Variants in TTLL5 observed in about 807,000 individuals in gnomAD.
The protein encoded by TTLL5 is tubulin tyrosine ligase like 5.
Under a neutral mutation model 168.4 loss-of-function variants are expected in TTLL5, and 132 were observed. That is an observed-to-expected ratio of 0.78 (90% confidence interval 0.68 to 0.91). The LOEUF is 0.91. Among genes scored for constraint, TTLL5 ranks in the 40% least tolerant of loss-of-function variants. The probability of loss-of-function intolerance (pLI) is 0.00; values close to 1 mark genes in which losing one functional copy is unlikely to be tolerated. For missense variants in TTLL5, 1,545 were observed against 1,581.5 expected, an observed-to-expected ratio of 0.98 and a Z score of 0.39; for synonymous variants, 546 against 558.6, an observed-to-expected ratio of 0.98 and a Z score of 0.32.
chr14:75,666,075 T>A (rs1883237886), intron 2 of TTLL5, among the ~76,000 whole-genome samples: 1 of 152,246 alleles, frequency 6.6e-6, no homozygotes, highest in Admixed American at 6.5e-5. Flanking sequence ...CTGTTAATCT[T>A]GTTTCATCAG....
intron 30 of TTLL5, among the ~76,000 whole-genome samples, chr14:75,888,241 C>G (rs566609652): frequency 6.6e-6 from 1 of 152,266 alleles, no homozygotes; most frequent in Non-Finnish European, 1.5e-5. Context: ...CACACCTAAT[C>G]AAAAGTTGCG....
chr14:75,949,852 A>G (rs1349130974), intron 31 of TTLL5, among the ~76,000 whole-genome samples: 1 of 151,668 alleles, frequency 6.6e-6, no homozygotes, highest in Non-Finnish European at 1.5e-5. Context: ...TCTGTCTCCA[A>G]AAAAAAAGAA....
At chr14:75,919,228 A>AAG (rs2033736469) in intron 31 of TTLL5, among the ~76,000 whole-genome samples, 3 of 149,946 alleles carry the variant, frequency 2.0e-5, no homozygotes, top group African/African-American at 7.4e-5. Context: ...AAAAGGAAAA[A>AAG]GAAAAAGAAA....
rs1170385473 is a variant in TTLL5, at chr14:75,759,232, CA to C, written c.1551-5381del. Among the ~76,000 whole-genome samples, 13 of 152,174 alleles carry C rather than the reference CA, an allele frequency of 8.5e-5. No homozygotes were observed. The East Asian group carries it at 2.5e-3, about 29-fold the overall frequency. ...AAGGTGCGGAAAAAGGATATTAAGG[CA>C]ATATTATTAGCAACTTTATTCCATT... On this transcript the variant is annotated intron_variant, in intron 18 of 31. Transcript: ENST00000298832.
chr14:75,906,021 AC>A (rs2033133129), intron 31 of TTLL5, among the ~76,000 whole-genome samples: 1 of 152,170 alleles, frequency 6.6e-6, no homozygotes, highest in Non-Finnish European at 1.5e-5. Flanking sequence ...AGTAAAATGT[AC>A]TATAGCTTTG....
rs1887780104 is a variant in TTLL5, at chr14:75,720,638, T to C, written c.977T>C (p.Ile326Thr). The C allele has an allele frequency of 6.2e-7, 1 of 1,613,740 alleles. No individual in the cohort carries two copies. The highest frequency in any genetic ancestry group is 1.7e-5 in the Admixed American group (1 of 60,008). Residue 326 changes from isoleucine to threonine, a missense_variant, in exon 12 of 32, where the codon ATC becomes ACC. Transcript: ENST00000298832. ...GAAGACCTGATCATTAAGACTATAA[T>C]CTCTGCTGAACTAGCTATTGCTACT... ...HVEDLIIKTI[I>T]SAELAIATAC... is the part of the protein sequence containing the mutation.
At chr14:75,890,487 C>A (rs1008797758) in intron 30 of TTLL5, among the ~76,000 whole-genome samples, 1 of 151,914 alleles carries the variant, frequency 6.6e-6, no homozygotes, top group Non-Finnish European at 1.5e-5. Flanking sequence ...TAGGAGAACA[C>A]GGCACACTAT....
At chr14:75,808,218 C>T (rs1482613226) in intron 27 of TTLL5, among the ~76,000 whole-genome samples, 2 of 152,068 alleles carry the variant, frequency 1.3e-5, no homozygotes, top group South Asian at 4.1e-4. Context: ...CACTAAATGT[C>T]TATATATATA....
chr14:75,698,019 C>G (rs1039729615), intron 6 of TTLL5, among the ~76,000 whole-genome samples: 3 of 152,170 alleles, frequency 2.0e-5, no homozygotes, highest in Non-Finnish European at 2.9e-5. Flanking sequence ...ACAAAAAATT[C>G]TCTCAATTTT....
intron 31 of TTLL5, among the ~76,000 whole-genome samples, chr14:75,922,064 T>G (rs2033846618): frequency 6.6e-6 from 1 of 152,228 alleles, no homozygotes; most frequent in Admixed American, 6.5e-5. Flanking sequence ...GGAATGCTTG[T>G]GATTTTTGCA....
intron 27 of TTLL5, among the ~76,000 whole-genome samples, chr14:75,797,926 T>G (rs980251341): frequency 6.6e-6 from 1 of 152,024 alleles, no homozygotes; most frequent in Non-Finnish European, 1.5e-5. Flanking sequence ...TAATGTCCTT[T>G]CCTGGGTTTG....
At position 75,925,920 on chromosome 14, in the gene TTLL5, C is replaced by T. The variant is rs954640734; in HGVS notation, c.3823+23696C>T. 4.6e-5 allele frequency among the ~76,000 whole-genome samples: 7 copies of T among 151,900 alleles called. 1 individual carries two copies. The highest frequency in any genetic ancestry group is 7.3e-5 in the African/African-American group (3 of 41,182). On this transcript the variant is annotated intron_variant, in intron 31 of 31. Coordinates refer to ENST00000298832, the MANE Select transcript of TTLL5 (RefSeq NM_015072.5). The stretch of plus-strand genomic sequence containing the variant: ...CGAAAACCAGTCAGGCGTGGCGGCG[C>T]GCACCTGTAATCGCAGGCACTTGGC...
chr14:75,948,228 T>G (rs2034839760), intron 31 of TTLL5, among the ~76,000 whole-genome samples: 1 of 152,204 alleles, frequency 6.6e-6, no homozygotes, highest in Non-Finnish European at 1.5e-5. Flanking sequence ...TTCACACCTG[T>G]AACCCCTGCG....
chr14:75,766,445 G>GT, intron 20 of TTLL5, 77 bp downstream of exon 20: 1 of 1,297,710 alleles, frequency 7.7e-7, no homozygotes, highest in Non-Finnish European at 1.0e-6. Context: ...TATTTTAGTG[G>GT]TTTTACAGTC....
intron 28 of TTLL5, among the ~76,000 whole-genome samples, chr14:75,837,948 C>T (rs1351752377): frequency 6.6e-6 from 1 of 152,104 alleles, no homozygotes; most frequent in Non-Finnish European, 1.5e-5. Context: ...TGGTTTACTT[C>T]TGCTTTTTGG....
At chr14:75,817,688 G>A (rs1028389286) in intron 27 of TTLL5, among the ~76,000 whole-genome samples, 2 of 152,068 alleles carry the variant, frequency 1.3e-5, no homozygotes, top group Non-Finnish European at 2.9e-5. Flanking sequence ...AACATCTCCA[G>A]TCTGATGACT....
intron 25 of TTLL5, 50 bp from the exon 26 acceptor site, chr14:75,783,097 T>C (rs369270726): frequency 1.3e-5 from 20 of 1,507,268 alleles, no homozygotes; most frequent in Non-Finnish European, 1.8e-5. Flanking sequence ...ATAGAGATTG[T>C]ATGTTTGTTT....
At chr14:75,747,170 T>A (rs1356971908) in intron 17 of TTLL5, among the ~76,000 whole-genome samples, 1 of 152,096 alleles carries the variant, frequency 6.6e-6, no homozygotes, top group East Asian at 1.9e-4. Flanking sequence ...TCTGTGTGTC[T>A]CTAAGGTCAT....
chr14:75,682,634 A>G (rs1181466625), intron 4 of TTLL5, among the ~76,000 whole-genome samples: 3 of 152,328 alleles, frequency 2.0e-5, no homozygotes, highest in South Asian at 4.1e-4. Flanking sequence ...GAAGATTGGA[A>G]TGTAAACATC....
Sources: gnomAD v4.1 joint callset for allele counts (sites outside exome capture counted in the v4.1 genomes callset) on GRCh38, gnomAD v4.1.1 for gene constraint, MANE v1.5 for transcripts, NCBI Gene and HGNC (gene_info 2026-07-23, HGNC 2026-07-21) for gene names.